The following SPART variants were observed in gnomAD, a reference collection of about 807,000 sequenced individuals.
SPART encodes the protein spastic paraplegia 20 (Troyer syndrome).
A neutral mutation model predicts 58.7 loss-of-function variants in SPART; 35 were observed. The observed-to-expected ratio is 0.60, with a 90% confidence interval of 0.46 to 0.79. The LOEUF is 0.79. Ranked by LOEUF, SPART falls within the 30% of genes least tolerant of loss-of-function variation. The pLI is 0.00. For missense variants in SPART, 730 were observed against 786.1 expected (o/e 0.93, Z 0.85); for synonymous variants, 284 against 280.7 (o/e 1.01, Z -0.12).
intron 5 of SPART, among the ~76,000 whole-genome samples, chr13:36,321,360 G>A (rs1483529113): frequency 2.0e-5 from 3 of 152,158 alleles, no homozygotes; most frequent in Non-Finnish European, 4.4e-5. Flanking sequence ...TTGCTGGCAG[G>A]ACTATGCTGA....
At chr13:36,365,504 C>T (rs1886019963) in intron 1 of SPART, 1 of 367,664 alleles carries the variant, frequency 2.7e-6, no homozygotes, top group African/African-American at 2.2e-5. Flanking sequence ...TCTTAGATTA[C>T]TAGGAAAGCC....
Position 36,302,820 on chromosome 13 carries a change from C to T in SPART, c.*1545G>A, listed in dbSNP as rs1294376114. The T allele has an allele frequency of 6.6e-6, 1 of 152,144 alleles. No homozygotes were observed. 9.4% of individuals were successfully genotyped at this position (152,144 alleles called of 1,614,324 possible). On this transcript the variant is annotated 3_prime_UTR_variant, in exon 9 of 9. Coordinates refer to ENST00000438666, the MANE Select transcript of SPART (RefSeq NM_015087.5). ...CACCCTGTTGGGCTATCAAATACTA[C>T]AACAAATTCGTTCTAACTATATTTT...
At chr13:36,326,032 G>A (rs1017892997) in intron 5 of SPART, 13 of 153,366 alleles carry the variant, frequency 8.5e-5, no homozygotes, top group African/African-American at 3.1e-4. Flanking sequence ...TTCATAGAAT[G>A]ACACCTTCTT....
chr13:36,347,207 TTTGTTG>T (rs1162730305), upstream of SPART, among the ~76,000 whole-genome samples: 1 of 151,806 alleles, frequency 6.6e-6, no homozygotes, highest in Admixed American at 6.6e-5. Flanking sequence ...TAGAACCAGT[TTTGTTG>T]TTGTTGTGTT....
intron 5 of SPART, among the ~76,000 whole-genome samples, chr13:36,317,529 C>T (rs78399126): frequency 6.8e-6 from 1 of 146,516 alleles, no homozygotes; most frequent in Admixed American, 6.8e-5. Flanking sequence ...TTCCGTGCCC[C>T]ACCCCTTATT....
At chr13:36,311,114 A>G (rs1253144427) in intron 8 of SPART, among the ~76,000 whole-genome samples, 1 of 152,196 alleles carries the variant, frequency 6.6e-6, no homozygotes, top group Non-Finnish European at 1.5e-5. Flanking sequence ...AAAGAGCCAC[A>G]AGGGCATCTG....
At chr13:36,308,519 T>C (rs1880740446) in intron 8 of SPART, 2 of 152,272 alleles carry the variant, frequency 1.3e-5, no homozygotes, top group Admixed American at 6.5e-5. Context: ...GTTAAAAATA[T>C]GCTATTTATC....
In SPART at chr13:36,332,010, A is replaced by G. The variant is rs78611993; in HGVS notation, c.811-414T>C. Among the ~76,000 whole-genome samples the G allele has an allele frequency of 6.0e-3, 920 of 152,324 alleles. 5 individuals are homozygous for G. The highest frequency in any genetic ancestry group is 9.7e-3 in the Non-Finnish European group (661 of 68,032). ...TTGAAATATTTACTGAAATAATAGT[A>G]TTTACTGATTTAATCCTCCTAACAA... On this transcript the variant is annotated intron_variant, in intron 2 of 8. Coordinates refer to ENST00000438666, the MANE Select transcript of SPART (RefSeq NM_015087.5).
intron 1 of SPART, among the ~76,000 whole-genome samples, chr13:36,362,758 A>G: frequency 6.6e-6 from 1 of 151,022 alleles, no homozygotes; most frequent in Non-Finnish European, 1.5e-5. Context: ...GCCCAAAACC[A>G]ACAGCAAGAA....
chr13:36,368,475 T>C (rs1445818642), intron 1 of SPART: 1 of 160,120 alleles, frequency 6.2e-6, no homozygotes, highest in Non-Finnish European at 1.4e-5. Context: ...AACCTGCCAA[T>C]AGAAAGCTGC....
At chr13:36,364,878 G>T (rs1018305216) in intron 1 of SPART, among the ~76,000 whole-genome samples, 8 of 152,244 alleles carry the variant, frequency 5.3e-5, no homozygotes, top group African/African-American at 1.9e-4. Flanking sequence ...TGACCTCTCT[G>T]CTGTCAATCA....
intron 1 of SPART, among the ~76,000 whole-genome samples, chr13:36,355,579 A>G (rs1465604577): frequency 6.6e-6 from 1 of 152,260 alleles, no homozygotes; most frequent in Non-Finnish European, 1.5e-5. Context: ...TGTTACTTGC[A>G]ACAAAGCAAA....
intron 1 of SPART, among the ~76,000 whole-genome samples, chr13:36,352,353 A>G (rs2137694329): frequency 6.6e-6 from 1 of 152,284 alleles, no homozygotes; most frequent in African/African-American, 2.4e-5. Context: ...TACTAGCTAA[A>G]TTGTACTTTT....
intron 1 of SPART, among the ~76,000 whole-genome samples, chr13:36,337,340 A>G (rs1406496642): frequency 2.0e-5 from 3 of 151,966 alleles, no homozygotes; most frequent in Admixed American, 6.6e-5. Context: ...AGTAGCTGAT[A>G]TGGTTTGGCG....
Position 36,326,705 on chromosome 13 carries a change from A to G in SPART, c.1165-7T>C. 6.2e-7 allele frequency: 1 copy of G among 1,612,458 alleles called. No homozygotes were observed. The highest frequency in any genetic ancestry group is 8.5e-7 in the Non-Finnish European group (1 of 1,179,712). On this transcript the variant is annotated splice_region_variant and splice_polypyrimidine_tract_variant and intron_variant, in intron 4 of 8. Coordinates refer to ENST00000438666, the MANE Select transcript of SPART (RefSeq NM_015087.5). ...CACTTGAAGTATCTTTAGCCTAAAC[A>G]GTAAAAATGTTTCAAAATGTGAAGA...
intron 1 of SPART, among the ~76,000 whole-genome samples, chr13:36,341,701 C>T (rs1884605256): frequency 6.6e-6 from 1 of 152,098 alleles, no homozygotes; most frequent in African/African-American, 2.4e-5. Context: ...GTCTAGCTTC[C>T]GATTAATAAT....
At chr13:36,333,573 T>C (rs1485334927) in intron 2 of SPART, among the ~76,000 whole-genome samples, 1 of 152,094 alleles carries the variant, frequency 6.6e-6, no homozygotes, top group Non-Finnish European at 1.5e-5. Context: ...AATTTTACTT[T>C]TCGTTTAGGA....
At chr13:36,343,995 C>A (rs1374125960) in intron 1 of SPART, among the ~76,000 whole-genome samples, 1 of 149,080 alleles carries the variant, frequency 6.7e-6, no homozygotes, top group South Asian at 2.1e-4. Context: ...CACCACTGCA[C>A]TCCAACCAGC....
At chr13:36,326,424 A>T in intron 5 of SPART, 151 bp downstream of exon 5, 1 of 859,914 alleles carries the variant, frequency 1.2e-6, no homozygotes, top group Admixed American at 2.3e-5. Context: ...GTTTCAAAAG[A>T]CTAGTTCCTT....
Sources: gnomAD v4.1 joint callset for allele counts (sites outside exome capture counted in the v4.1 genomes callset) on GRCh38, gnomAD v4.1.1 for gene constraint, MANE v1.5 for transcripts, NCBI Gene and HGNC (gene_info 2026-07-23, HGNC 2026-07-21) for gene names.